TMEM45A: variants seen among roughly 807,000 people sequenced by gnomAD.
TMEM45A encodes DNA polymerase-transactivated protein 4.
Under a neutral mutation model 32.0 loss-of-function variants are expected in TMEM45A, and 25 were observed. The observed-to-expected ratio is 0.78, with a 90% CI of 0.57 to 1.09. The LOEUF (loss-of-function observed/expected upper bound fraction) is 1.09. Among genes scored for constraint, TMEM45A ranks in the 50% least tolerant of loss-of-function variants. The probability of loss-of-function intolerance (pLI) is 0.00; values close to 1 mark genes in which losing one functional copy is unlikely to be tolerated. For synonymous variants in TMEM45A, 122 were observed against 114.8 expected (o/e 1.06, Z -0.40); for missense variants, 302 against 325.0 (o/e 0.93, Z 0.54).
At chr3:100,519,402 TG>T in intron 1 of TMEM45A, 1 of 636,932 alleles carries the variant, frequency 1.6e-6, no homozygotes, top group African/African-American at 1.8e-5. Flanking sequence ...TGTGTGTGTG[TG>T]TGTGTGTAAA....
At position 100,522,650 on chromosome 3, in the gene TMEM45A, G is replaced by A. The variant is rs1245575028; in HGVS notation, c.-4+29722G>A. Among the ~76,000 whole-genome samples, 4 of 152,246 alleles carry A rather than the reference G, an allele frequency of 2.6e-5. No individual in the cohort carries two copies. In the South Asian group the frequency reaches 6.2e-4, roughly 24 times the overall value. ...GCTCATTCCTAGGCAGTAGGCCATC[G>A]GGGTCTGGCTACTATAGTCCTTGCC... On this transcript the variant is annotated intron_variant, in intron 1 of 5. Coordinates refer to ENST00000323523, the MANE Select transcript of TMEM45A (RefSeq NM_018004.3).
rs989611552 is a variant in TMEM45A at position 100,552,990 on chromosome 3, T to C, written c.-3-2219T>C. Reference sequence around the variant, plus strand: ...GCCAAATGAATTGTATCAATGTTTCTTGATTTTCTATATCCATCTTAGTAT... The same window carrying C: ...GCCAAATGAATTGTATCAATGTTTCCTGATTTTCTATATCCATCTTAGTAT... On this transcript the variant is annotated intron_variant, in intron 1 of 5. Transcript: ENST00000323523. Among the ~76,000 whole-genome samples the C allele has an allele frequency of 5.9e-5, 9 of 152,388 alleles. No individual in the cohort carries two copies. In the South Asian group the frequency reaches 1.7e-3, roughly 28 times the overall value.
At chr3:100,510,256 A>G (rs2148935351) in intron 1 of TMEM45A, among the ~76,000 whole-genome samples, 1 of 152,358 alleles carries the variant, frequency 6.6e-6, no homozygotes, top group African/African-American at 2.4e-5. Flanking sequence ...TTCTCCCAGC[A>G]TGCAGCTGGA....
chr3:100,564,820 C>T (rs1198970056), intron 4 of TMEM45A, among the ~76,000 whole-genome samples: 1 of 152,184 alleles, frequency 6.6e-6, no homozygotes, highest in Admixed American at 6.5e-5. Context: ...CCAGACAAAG[C>T]ATGTCTGGGA....
intron 5 of TMEM45A, among the ~76,000 whole-genome samples, chr3:100,574,972 C>G (rs76642819): frequency 0.021 from 3,234 of 152,156 alleles, 120 homozygotes; most frequent in African/African-American, 0.074. Flanking sequence ...AGAAGTATTT[C>G]AAAAACCCCT....
chr3:100,526,424 C>T (rs1202156018), intron 1 of TMEM45A, among the ~76,000 whole-genome samples: 1 of 152,192 alleles, frequency 6.6e-6, no homozygotes, highest in African/African-American at 2.4e-5. Flanking sequence ...AGGGCCACTA[C>T]CTCCCAGGGA....
At chr3:100,544,816 G>A (rs1705953746) in intron 1 of TMEM45A, among the ~76,000 whole-genome samples, 1 of 152,176 alleles carries the variant, frequency 6.6e-6, no homozygotes, top group African/African-American at 2.4e-5. Flanking sequence ...ACAAGTCTTT[G>A]TGTGGACATC....
chr3:100,549,250 AAAAAAC>A (rs1706041098), intron 1 of TMEM45A, among the ~76,000 whole-genome samples: 1 of 148,692 alleles, frequency 6.7e-6, no homozygotes, highest in African/African-American at 2.6e-5. Context: ...CTGTCTCAAA[AAAAAAC>A]AAAAAAACAA....
rs1706233405 is a variant in TMEM45A at position 100,556,914 on chromosome 3, C to T, written c.345C>T (p.Ile115=). 1 of 1,614,206 alleles carries T rather than the reference C, an allele frequency of 6.2e-7. No homozygotes were observed. The highest frequency in any genetic ancestry group is 8.5e-7 in the Non-Finnish European group (1 of 1,180,028). Residue 115 remains isoleucine, a synonymous_variant, in exon 3 of 6, where the codon ATC becomes ATT. Transcript: ENST00000323523. ...TGGCAGATATCTTATGTTTCACCAT[C>T]AGTTCACTTCCTGTGTCCTTAACCA... ...LGVADILCFT[I]SSLPVSLTKL...
chr3:100,563,909 C>T (rs924058403), intron 4 of TMEM45A, among the ~76,000 whole-genome samples: 20 of 152,178 alleles, frequency 1.3e-4, no homozygotes, highest in Middle Eastern at 3.2e-3. Flanking sequence ...TGAGCTCATA[C>T]CTCTAACTTA....
At chr3:100,533,930 G>T (rs1705696022) in intron 1 of TMEM45A, among the ~76,000 whole-genome samples, 2 of 152,022 alleles carry the variant, frequency 1.3e-5, no homozygotes. Context: ...AGAATCTGGG[G>T]TCTTAAAAAA....
chr3:100,511,178 C>T (rs1708154296), intron 1 of TMEM45A, among the ~76,000 whole-genome samples: 1 of 151,808 alleles, frequency 6.6e-6, no homozygotes, highest in Non-Finnish European at 1.5e-5. Context: ...TTGTCAGATT[C>T]ACCAAAGTTG....
intron 1 of TMEM45A, among the ~76,000 whole-genome samples, chr3:100,500,202 A>C (rs1707990154): frequency 6.6e-6 from 1 of 152,158 alleles, no homozygotes; most frequent in Non-Finnish European, 1.5e-5. Flanking sequence ...CATAAATATT[A>C]TTTTAAAATA....
chr3:100,575,858 T>C (rs1706674212), intron 5 of TMEM45A, among the ~76,000 whole-genome samples: 2 of 152,236 alleles, frequency 1.3e-5, no homozygotes, highest in Non-Finnish European at 2.9e-5. Context: ...GGGCCTTGAC[T>C]TGGGCTGCCA....
intron 4 of TMEM45A, among the ~76,000 whole-genome samples, chr3:100,566,163 T>TC (rs58846111): frequency 0.21 from 31,855 of 152,058 alleles, 4,248 homozygotes; most frequent in African/African-American, 0.36. Flanking sequence ...TGCTTATCCA[T>TC]ATCAGTTTTT....
intron 1 of TMEM45A, among the ~76,000 whole-genome samples, chr3:100,498,172 C>T (rs1707958310): frequency 6.6e-6 from 1 of 152,148 alleles, no homozygotes; most frequent in African/African-American, 2.4e-5. Flanking sequence ...CCTTGCTTAC[C>T]CTTTGCCTTC....
intron 1 of TMEM45A, among the ~76,000 whole-genome samples, chr3:100,531,798 T>C (rs1705653343): frequency 6.6e-6 from 1 of 152,240 alleles, no homozygotes; most frequent in Admixed American, 6.5e-5. Context: ...TAGCTGTCAG[T>C]ACCATAATGA....
intron 1 of TMEM45A, among the ~76,000 whole-genome samples, chr3:100,533,852 A>C (rs1705694086): frequency 6.6e-6 from 1 of 152,200 alleles, no homozygotes; most frequent in Admixed American, 6.5e-5. Context: ...GAAGAAATTG[A>C]GGCAAAGTTA....
At chr3:100,554,523 G>A (rs947092921) in intron 1 of TMEM45A, among the ~76,000 whole-genome samples, 2 of 152,198 alleles carry the variant, frequency 1.3e-5, no homozygotes, top group South Asian at 2.1e-4. Context: ...TCAACTTATA[G>A]TGTATTAGCC....
Sources: allele counts gnomAD v4.1 joint callset (sites outside exome capture counted in the v4.1 genomes callset), GRCh38; gene constraint gnomAD v4.1.1; transcripts MANE v1.5; gene names NCBI Gene and HGNC (gene_info 2026-07-23, HGNC 2026-07-21).